TERF2: variants seen among roughly 807,000 people sequenced by gnomAD.
TERF2 encodes telomeric repeat binding factor 2.
In TERF2, 16 loss-of-function variants were observed where a neutral mutation model predicts 56.1. That is an observed-to-expected ratio of 0.29 (90% CI 0.19 to 0.43). TERF2 has a LOEUF of 0.43. Among genes scored for constraint, TERF2 ranks in the 20% least tolerant of loss-of-function variants. The probability of loss-of-function intolerance (pLI) is 1.00; values close to 1 mark genes in which losing one functional copy is unlikely to be tolerated. For synonymous variants in TERF2, 296 were observed against 282.1 expected, an observed-to-expected ratio of 1.05 and a Z score of -0.50; for missense variants, 547 against 712.9, an observed-to-expected ratio of 0.77 and a Z score of 2.65.
intron 7 of TERF2, among the ~76,000 whole-genome samples, chr16:69,364,177 G>A (rs1348463380): frequency 2.0e-5 from 3 of 152,014 alleles, no homozygotes; most frequent in South Asian, 2.1e-4. Flanking sequence ...TATGTGCAAG[G>A]TGCCGTGGGA....
intron 8 of TERF2, among the ~76,000 whole-genome samples, chr16:69,359,627 ATTTTTTTTTTTT>A (rs564611021): frequency 1.1e-4 from 8 of 72,586 alleles, no homozygotes; most frequent in South Asian, 5.0e-4. Flanking sequence ...ATCATTCCCA[ATTTTTTTTTTTT>A]TTTTTTTTTT....
chr16:69,378,525 C>T (rs1439853010), intron 3 of TERF2, among the ~76,000 whole-genome samples: 2 of 152,168 alleles, frequency 1.3e-5, no homozygotes, highest in Non-Finnish European at 2.9e-5. Context: ...CTTCCTTGCT[C>T]CTCAGACCAG....
chr16:69,359,285 T>C (rs778716979), intron 8 of TERF2, among the ~76,000 whole-genome samples: 5 of 152,186 alleles, frequency 3.3e-5, no homozygotes, highest in Non-Finnish European at 4.4e-5. Flanking sequence ...CCCAGCACTT[T>C]GGGAGGCCAA....
At chr16:69,359,270 G>A (rs1300241039) in intron 8 of TERF2, among the ~76,000 whole-genome samples, 3 of 152,160 alleles carry the variant, frequency 2.0e-5, no homozygotes, top group Non-Finnish European at 2.9e-5. Context: ...GCTCACGCCT[G>A]TAATCCCAGC....
At chr16:69,377,661 G>T (rs898329467) in intron 3 of TERF2, among the ~76,000 whole-genome samples, 4 of 152,160 alleles carry the variant, frequency 2.6e-5, no homozygotes, top group Non-Finnish European at 5.9e-5. Flanking sequence ...CATTTTGCTA[G>T]ACTTACACGT....
chr16:69,367,663 G>C (rs933985294), intron 6 of TERF2, among the ~76,000 whole-genome samples: 3 of 152,274 alleles, frequency 2.0e-5, no homozygotes, highest in Middle Eastern at 3.4e-3. Context: ...TCTATCATTT[G>C]GAACAGTTAG....
At chr16:69,385,291 A>C (rs1415562302) in intron 2 of TERF2, 100 bp downstream of exon 2, 2 of 1,021,648 alleles carry the variant, frequency 2.0e-6, no homozygotes, top group Non-Finnish European at 3.0e-6. Flanking sequence ...TCTGATGGAA[A>C]CTATCGCACT....
chr16:69,367,207 T>C lies in TERF2; in HGVS notation c.948-8A>G. On this transcript the variant is annotated splice_polypyrimidine_tract_variant and splice_region_variant and intron_variant, in intron 6 of 9. Coordinates refer to ENST00000254942, the MANE Select transcript of TERF2 (RefSeq NM_005652.5). ...GGAGGATTCCGTAGCTGCCTGCAAA[T>C]CAAGCATAGGCACAAAGATGTTTTT... 1 of 1,595,916 alleles carries C rather than the reference T, an allele frequency of 6.3e-7. No individual in the cohort carries two copies. The highest frequency in any genetic ancestry group is 8.6e-7 in the Non-Finnish European group (1 of 1,168,336).
chr16:69,384,166 C>A (rs2014102788), intron 3 of TERF2, among the ~76,000 whole-genome samples: 1 of 152,178 alleles, frequency 6.6e-6, no homozygotes, highest in African/African-American at 2.4e-5. Flanking sequence ...ATTCTCTAAG[C>A]CCCTCTTTCT....
intron 3 of TERF2, among the ~76,000 whole-genome samples, chr16:69,381,662 G>C (rs1351461796): frequency 6.6e-6 from 1 of 151,574 alleles, no homozygotes; most frequent in South Asian, 2.1e-4. Context: ...TTGTATTTTT[G>C]TAGAGACAGG....
intron 5 of TERF2, among the ~76,000 whole-genome samples, chr16:69,369,303 G>A (rs1389306797): frequency 6.6e-6 from 1 of 152,144 alleles, no homozygotes; most frequent in Non-Finnish European, 1.5e-5. Flanking sequence ...TGGCAGATCT[G>A]TTACGAGACA....
At chr16:69,364,427 GA>G (rs1233397808) in intron 7 of TERF2, among the ~76,000 whole-genome samples, 4 of 152,134 alleles carry the variant, frequency 2.6e-5, no homozygotes, top group Non-Finnish European at 4.4e-5. Context: ...CAGTAGCCAG[GA>G]GCCTGGGAAT....
In TERF2 at chr16:69,383,060, AAATAAT is replaced by A. The variant is rs748751267; in HGVS notation, c.606+1514_606+1519del. Among the ~76,000 whole-genome samples, 6 of 152,302 alleles carry A rather than the reference AAATAAT, an allele frequency of 3.9e-5. No homozygotes were observed. In the South Asian group the frequency reaches 1.0e-3, roughly 26 times the overall value. Reference sequence around the variant, plus strand: ...CCCAAATAAGGAGCTCTATGAGCCTAAATAATAATAATAAATACGCAGCTGAAAGAT... The same window carrying A: ...CCCAAATAAGGAGCTCTATGAGCCTAAATAATAAATACGCAGCTGAAAGAT... On this transcript the variant is annotated intron_variant, in intron 3 of 9. Coordinates refer to ENST00000254942, the MANE Select transcript of TERF2 (RefSeq NM_005652.5).
chr16:69,364,197 T>C (rs1157110609), intron 7 of TERF2, among the ~76,000 whole-genome samples: 2 of 152,102 alleles, frequency 1.3e-5, no homozygotes, highest in African/African-American at 4.8e-5. Context: ...AGATACAAGA[T>C]TGGGGCATGG....
Position 69,385,974 on chromosome 16 carries a change from T to G in TERF2, c.-3A>C. 7.5e-7 allele frequency: 1 copy of G among 1,338,306 alleles called. No homozygotes were observed. The highest frequency in any genetic ancestry group is 9.6e-7 in the Non-Finnish European group (1 of 1,046,302). The allele number at this position is 1,338,306 out of a possible 1,614,324, so 82.9% of individuals were successfully genotyped here. ...GCCGTCCCGGCTCCCGCGGCCATGA[T>G]AGAAACAGCGTTCCGAGCCGCCCGC... On this transcript the variant is annotated 5_prime_UTR_variant, in exon 1 of 10. Coordinates refer to ENST00000254942, the MANE Select transcript of TERF2 (RefSeq NM_005652.5).
Position 69,385,879 on chromosome 16 carries a change from C to T in TERF2, c.93G>A (p.Arg31=). The T allele has an allele frequency of 7.3e-7, 1 of 1,370,760 alleles. No homozygotes were observed. Among genetic ancestry groups the T allele is most frequent in the East Asian group, 3.1e-5 (1 of 32,312 alleles). 84.9% of individuals were successfully genotyped at this position (1,370,760 alleles called of 1,614,324 possible). ...ATCGCCGCGCGCCCTCCCCGCCCTC[C>T]CGGCCGGGCCGCTTCCTCGGCTGTG... ...AASQPRKRPG[R]EGGEGARRSD... Residue 31 remains arginine, a synonymous_variant, in exon 1 of 10, where the codon CGG becomes CGA. Coordinates refer to ENST00000254942, the MANE Select transcript of TERF2 (RefSeq NM_005652.5).
chr16:69,372,160 A>T, intron 4 of TERF2, 109 bp downstream of exon 4: 1 of 703,108 alleles, frequency 1.4e-6, no homozygotes, highest in Non-Finnish European at 2.4e-6. Flanking sequence ...TTACATGTTG[A>T]AAGGAGAATA....
chr16:69,372,535 G>A (rs1232334098), intron 3 of TERF2, among the ~76,000 whole-genome samples, 180 bp from the exon 4 acceptor site: 2 of 152,158 alleles, frequency 1.3e-5, no homozygotes, highest in Admixed American at 1.3e-4. Context: ...GGCCAAGGCG[G>A]GTGGATCACC....
At chr16:69,371,679 G>T (rs935535598) in intron 4 of TERF2, among the ~76,000 whole-genome samples, 1 of 152,034 alleles carries the variant, frequency 6.6e-6, no homozygotes, top group Admixed American at 6.6e-5. Context: ...GCCATGTGTG[G>T]TGGCATGCAG....
Sources: allele counts gnomAD v4.1 joint callset (sites outside exome capture counted in the v4.1 genomes callset), GRCh38; gene constraint gnomAD v4.1.1; transcripts MANE v1.5; gene names NCBI Gene and HGNC (gene_info 2026-07-23, HGNC 2026-07-21).